CLASP1: variants seen among roughly 807,000 people sequenced by gnomAD.
CLASP1 encodes CLIP-associating protein 1.
In CLASP1, 38 loss-of-function variants were observed where a neutral mutation model predicts 192.3. The observed-to-expected ratio is 0.20, with a 90% CI of 0.15 to 0.26. The LOEUF is 0.26. Among genes scored for constraint, CLASP1 ranks in the 10% least tolerant of loss-of-function variants. CLASP1 has a pLI of 1.00. For synonymous variants in CLASP1, 691 were observed against 712.8 expected (o/e 0.97, Z 0.49); for missense variants, 1,433 against 1,932.5 (o/e 0.74, Z 4.85).
intron 37 of CLASP1, among the ~76,000 whole-genome samples, chr2:121,358,165 CT>C (rs923949944): frequency 6.6e-6 from 1 of 152,148 alleles, no homozygotes; most frequent in Non-Finnish European, 1.5e-5. Context: ...GGGGTTTTGT[CT>C]TTTTATTAAA....
chr2:121,432,257 C>T (rs1238059978), intron 19 of CLASP1, among the ~76,000 whole-genome samples: 1 of 152,144 alleles, frequency 6.6e-6, no homozygotes, highest in Non-Finnish European at 1.5e-5. Flanking sequence ...GCTGGGATTA[C>T]AGGAACATGC....
chr2:121,375,459 G>T lies in CLASP1; in HGVS notation c.3642+2040C>A, dbSNP rs1558937235. Among the ~76,000 whole-genome samples the T allele has an allele frequency of 4.0e-5, 6 of 150,428 alleles. No individual in the cohort carries two copies. The Admixed American group carries it at 4.0e-4, about 10-fold the overall frequency. On this transcript the variant is annotated intron_variant, in intron 34 of 39. Coordinates refer to ENST00000263710, the Ensembl canonical transcript of CLASP1. ...GCTCACTGCAACTTCTGCATCCCAG[G>T]TTCAGGCAATTCTCCTGCCTCAGCC...
intron 1 of CLASP1, among the ~76,000 whole-genome samples, chr2:121,607,995 T>C (rs1176934965): frequency 6.6e-6 from 1 of 152,168 alleles, no homozygotes; most frequent in Non-Finnish European, 1.5e-5. Flanking sequence ...GAGGGAAGGA[T>C]AGCATTCAAC....
At chr2:121,422,304 T>C (rs72967375) in intron 22 of CLASP1, among the ~76,000 whole-genome samples, 6,301 of 152,308 alleles carry the variant, frequency 0.041, 184 homozygotes, top group East Asian at 0.16. Context: ...TCTTAGACAG[T>C]AGTCTAATTT....
chr2:121,427,029 T>C (rs2080518962), intron 21 of CLASP1, among the ~76,000 whole-genome samples: 1 of 151,640 alleles, frequency 6.6e-6, no homozygotes, highest in Non-Finnish European at 1.5e-5. Flanking sequence ...ATATATATTA[T>C]TTAAAAATAC....
Position 121,645,730 on chromosome 2 carries a change from A to G in CLASP1, c.-286+3642T>C, listed in dbSNP as rs541038153. ...ACTTCCAGGCAGGAAACAAGACAGA[A>G]GTTAACAAAGGTGTTATGGAAGAAA... On this transcript the variant is annotated intron_variant, in intron 1 of 39. Coordinates refer to ENST00000263710, the Ensembl canonical transcript of CLASP1. 2.0e-5 allele frequency among the ~76,000 whole-genome samples: 3 copies of G among 152,354 alleles called. No individual in the cohort carries two copies. In the East Asian group the frequency reaches 5.8e-4, roughly 29 times the overall value.
At chr2:121,572,197 G>A (rs1306569113) in intron 2 of CLASP1, among the ~76,000 whole-genome samples, 1 of 152,214 alleles carries the variant, frequency 6.6e-6, no homozygotes, top group African/African-American at 2.4e-5. Flanking sequence ...GGGAGGCCAA[G>A]GCGGGTGGAT....
At chr2:121,430,775 T>C (rs1208465627) in intron 19 of CLASP1, among the ~76,000 whole-genome samples, 1 of 151,990 alleles carries the variant, frequency 6.6e-6, no homozygotes, top group African/African-American at 2.4e-5. Flanking sequence ...AAAGAAAAGA[T>C]AAAGCTAAAA....
chr2:121,391,801 G>A (rs2074401543), intron 30 of CLASP1, among the ~76,000 whole-genome samples: 1 of 152,102 alleles, frequency 6.6e-6, no homozygotes, highest in African/African-American at 2.4e-5. Context: ...CTACCCAGGA[G>A]GCTGAGGCAG....
chr2:121,354,931 G>A (rs72965501), intron 37 of CLASP1, among the ~76,000 whole-genome samples: 5,864 of 152,162 alleles, frequency 0.039, 158 homozygotes, highest in East Asian at 0.14. Flanking sequence ...ACTGATTGCC[G>A]GGTTCGTGGT....
In CLASP1 at chr2:121,627,194, G is replaced by C. The variant is rs545581032; in HGVS notation, c.-285-21014C>G. The stretch of plus-strand genomic sequence containing the variant: ...AAAGAGGAGAAACAACAAAATATGC[G>C]TAACCATTGGGGGAAACTGGGTGAA... On this transcript the variant is annotated intron_variant, in intron 1 of 39. Transcript: ENST00000263710. 5.3e-5 allele frequency among the ~76,000 whole-genome samples: 8 copies of C among 152,254 alleles called. 1 individual carries two copies. The highest frequency in any genetic ancestry group is 5.2e-4 in the Admixed American group (8 of 15,274).
chr2:121,570,795 C>G (rs2059910881), intron 2 of CLASP1, among the ~76,000 whole-genome samples: 1 of 152,014 alleles, frequency 6.6e-6, no homozygotes, highest in East Asian at 1.9e-4. Flanking sequence ...GGATGGATGC[C>G]AAGGCTTTCA....
At chr2:121,556,754 T>C (rs2058604885) in intron 2 of CLASP1, among the ~76,000 whole-genome samples, 1 of 152,222 alleles carries the variant, frequency 6.6e-6, no homozygotes, top group Non-Finnish European at 1.5e-5. Flanking sequence ...ATTGCTCACC[T>C]GGAAAAATAT....
chr2:121,383,718 T>C (rs1264258686), intron 32 of CLASP1, among the ~76,000 whole-genome samples: 1 of 151,928 alleles, frequency 6.6e-6, no homozygotes, highest in African/African-American at 2.4e-5. Context: ...GGAAATGGAC[T>C]TCAGATGACT....
At chr2:121,463,728 G>C (rs550530146) in intron 9 of CLASP1, among the ~76,000 whole-genome samples, 16 of 152,252 alleles carry the variant, frequency 1.1e-4, no homozygotes, top group African/African-American at 3.9e-4. Context: ...GATAAGTGCA[G>C]GGCTGAAGGG....
At chr2:121,628,759 T>C (rs1351186694) in intron 1 of CLASP1, among the ~76,000 whole-genome samples, 3 of 151,100 alleles carry the variant, frequency 2.0e-5, no homozygotes, top group African/African-American at 4.9e-5. Context: ...TAGTAATACA[T>C]AGGACAATTT....
rs61027198 is a variant in CLASP1 at position 121,627,589 on chromosome 2, G to A, written c.-285-21409C>T. ...CACTAGGTAAAGCTACACCTTAGGT[G>A]TACCTGAGCATGAGAATGCAGGCTT... is the stretch of plus-strand genomic sequence containing the variant. On this transcript the variant is annotated intron_variant, in intron 1 of 39. Transcript: ENST00000263710. Among the ~76,000 whole-genome samples, 1,091 of 152,336 alleles carry A rather than the reference G, an allele frequency of 7.2e-3. 9 individuals are homozygous for A. The highest frequency in any genetic ancestry group is 0.025 in the African/African-American group (1,029 of 41,582).
chr2:121,515,882 T>C (rs2094277246), intron 6 of CLASP1, 120 bp from the exon 7 acceptor site: 3 of 728,904 alleles, frequency 4.1e-6, no homozygotes, highest in Middle Eastern at 2.4e-4. Context: ...CAACTGTGAA[T>C]ACAATCCTTA....
chr2:121,352,846 G>T (rs1209621440), intron 37 of CLASP1, among the ~76,000 whole-genome samples: 4 of 151,936 alleles, frequency 2.6e-5, no homozygotes, highest in African/African-American at 9.7e-5. Context: ...TAGAGACGGG[G>T]TTTCACCACG....
Sources: gnomAD v4.1 joint callset for allele counts (sites outside exome capture counted in the v4.1 genomes callset) on GRCh38, gnomAD v4.1.1 for gene constraint, MANE v1.5 for transcripts, NCBI Gene and HGNC (gene_info 2026-07-23, HGNC 2026-07-21) for gene names.